Variants in FMN2 observed in about 807,000 individuals in gnomAD.
FMN2 encodes the protein formin 2, also known as formin-2.
A neutral mutation model predicts 142.3 loss-of-function variants in FMN2; 51 were observed. That is an observed-to-expected ratio of 0.36 (90% CI 0.29 to 0.45). The LOEUF is 0.45. Ranked by LOEUF, FMN2 falls within the 20% of genes least tolerant of loss-of-function variation. FMN2 has a pLI of 1.00. For synonymous variants in FMN2, 882 were observed against 869.8 expected, an observed-to-expected ratio of 1.01 and a Z score of -0.25; for missense variants, 1,936 against 2,122.8, an observed-to-expected ratio of 0.91 and a Z score of 1.73.
chr1:240,472,557 T>G (rs190414927), intron 17 of FMN2, 104 bp downstream of exon 17: 1 of 720,848 alleles, frequency 1.4e-6, no homozygotes, highest in African/African-American at 1.8e-5. Context: ...CTACTAAGTG[T>G]GAATAAATAA....
intron 13 of FMN2, among the ~76,000 whole-genome samples, chr1:240,352,591 T>TA (rs994991484): frequency 9.2e-5 from 14 of 151,632 alleles, no homozygotes; most frequent in South Asian, 6.3e-4. Flanking sequence ...AAAAAAAATT[T>TA]AAAAAAAACA....
At chr1:240,257,389 A>G (rs760133285) in intron 6 of FMN2, among the ~76,000 whole-genome samples, 1 of 152,214 alleles carries the variant, frequency 6.6e-6, no homozygotes, top group Non-Finnish European at 1.5e-5. Flanking sequence ...CAAATGCAGA[A>G]TGAGAGGAAC....
intron 15 of FMN2, among the ~76,000 whole-genome samples, chr1:240,405,903 A>G (rs1674136090): frequency 6.6e-6 from 1 of 152,184 alleles, no homozygotes; most frequent in African/African-American, 2.4e-5. Context: ...ACAAAGGATC[A>G]ATTCAATTAC....
chr1:240,161,228 C>T (rs1421958702), intron 2 of FMN2, among the ~76,000 whole-genome samples: 1 of 152,010 alleles, frequency 6.6e-6, no homozygotes, highest in East Asian at 1.9e-4. Flanking sequence ...TGACAAACTA[C>T]CCCTAAACTT....
intron 16 of FMN2, among the ~76,000 whole-genome samples, chr1:240,470,629 C>T (rs1572347786): frequency 6.6e-6 from 1 of 151,788 alleles, no homozygotes; most frequent in South Asian, 2.1e-4. Flanking sequence ...GATTTTTTGC[C>T]ACAGGGATCA....
intron 15 of FMN2, among the ~76,000 whole-genome samples, chr1:240,422,860 G>T (rs189031354): frequency 6.6e-6 from 1 of 152,188 alleles, no homozygotes; most frequent in Non-Finnish European, 1.5e-5. Context: ...AGCTTACATT[G>T]TCCCTCAAGG....
intron 15 of FMN2, among the ~76,000 whole-genome samples, chr1:240,403,309 A>G (rs1435566915): frequency 6.6e-6 from 1 of 152,212 alleles, no homozygotes; most frequent in African/African-American, 2.4e-5. Flanking sequence ...TTTTTCTACA[A>G]GACATACATG....
chr1:240,229,381 A>C (rs867425448), intron 6 of FMN2, among the ~76,000 whole-genome samples: 1 of 151,258 alleles, frequency 6.6e-6, no homozygotes, highest in Non-Finnish European at 1.5e-5. Context: ...TCTTTCTTTC[A>C]CGTGCTGTGA....
chr1:240,310,843 G>A (rs1670580995), intron 8 of FMN2, among the ~76,000 whole-genome samples: 1 of 152,128 alleles, frequency 6.6e-6, no homozygotes, highest in Admixed American at 6.6e-5. Context: ...ATTCAAAAAT[G>A]TGTCTGTTAA....
chr1:240,104,484 T>G (rs1661531184), intron 1 of FMN2, among the ~76,000 whole-genome samples: 1 of 152,168 alleles, frequency 6.6e-6, no homozygotes, highest in Non-Finnish European at 1.5e-5. Flanking sequence ...ACTCGTTTTG[T>G]CCTTATCATA....
chr1:240,108,851 C>T (rs1366364599), intron 1 of FMN2, among the ~76,000 whole-genome samples: 1 of 152,146 alleles, frequency 6.6e-6, no homozygotes, highest in African/African-American at 2.4e-5. Context: ...GCCTGGCCAA[C>T]ATGGTGAAAC....
Position 240,123,346 on chromosome 1 carries a change from G to A in FMN2, c.1782+1G>A. The stretch of plus-strand genomic sequence containing the variant: ...CCAGACGAATGCAGCTTCGTTTGAT[G>A]TAAGTAGGAGAATTCACTTCTGTCC... On this transcript the variant is annotated splice_donor_variant, in intron 2 of 17. Coordinates refer to ENST00000319653, the MANE Select transcript of FMN2 (RefSeq NM_020066.5). LOFTEE classifies it high-confidence loss of function. The A allele has an allele frequency of 6.2e-7, 1 of 1,612,428 alleles. No homozygotes were observed. Among genetic ancestry groups the A allele is most frequent in the Non-Finnish European group, 8.5e-7 (1 of 1,179,030 alleles).
chr1:240,111,683 G>A (rs1429164038), intron 1 of FMN2, among the ~76,000 whole-genome samples: 3 of 151,956 alleles, frequency 2.0e-5, no homozygotes, highest in African/African-American at 7.2e-5. Flanking sequence ...CCTGTATCTT[G>A]TGCTGACCTC....
intron 6 of FMN2, among the ~76,000 whole-genome samples, chr1:240,251,122 G>C (rs1301242767): frequency 6.6e-6 from 1 of 151,490 alleles, no homozygotes; most frequent in Non-Finnish European, 1.5e-5. Context: ...TCTTCCTACT[G>C]ATTTTGTTCT....
intron 1 of FMN2, among the ~76,000 whole-genome samples, chr1:240,102,457 A>G (rs540347163): frequency 4.6e-5 from 7 of 152,316 alleles, no homozygotes; most frequent in East Asian, 1.9e-4. Context: ...TTTTTAACCT[A>G]TATACTTGTA....
In FMN2 at chr1:240,473,892, T is replaced by A. The variant is rs1486464172; in HGVS notation, c.5143-236T>A. 6.6e-6 allele frequency among the ~76,000 whole-genome samples: 1 copy of A among 152,166 alleles called. No homozygotes were observed. Among genetic ancestry groups the A allele is most frequent in the Non-Finnish European group, 1.5e-5 (1 of 68,022 alleles). On this transcript the variant is annotated intron_variant, in intron 17 of 17. Transcript: ENST00000319653. This position sits in a 1 kb window ranked among gnomAD's most constrained non-coding sequence, Gnocchi z 4.3. Reference sequence around the variant, plus strand: ...ACACCCTCTCATATTGGTTAGAAGTTAAATTTTTAAAACTTTTTTTTTTCT... The same window carrying A: ...ACACCCTCTCATATTGGTTAGAAGTAAAATTTTTAAAACTTTTTTTTTTCT...
Position 240,333,907 on chromosome 1 carries a change from G to A in FMN2, c.4605G>A (p.Leu1535=). ...VKSSDNSRSL[L]SYIVSYYLRN... Reference sequence around the variant, plus strand: ...CCTAGGACAATAGCAGAAGCCTTTTGTCATATATTGTTTCGTATTATCTCC... The same window carrying A: ...CCTAGGACAATAGCAGAAGCCTTTTATCATATATTGTTTCGTATTATCTCC... The change falls in exon 12 of 18, where the codon TTG becomes TTA. Residue 1535 remains leucine (L), a synonymous_variant. Coordinates refer to ENST00000319653, the MANE Select transcript of FMN2 (RefSeq NM_020066.5). 6.2e-7 allele frequency: 1 copy of A among 1,609,618 alleles called. No individual in the cohort carries two copies. Among genetic ancestry groups the A allele is most frequent in the Admixed American group, 1.7e-5 (1 of 59,650 alleles).
chr1:240,256,326 G>A (rs1251214715), intron 6 of FMN2, among the ~76,000 whole-genome samples: 1 of 152,090 alleles, frequency 6.6e-6, no homozygotes, highest in Non-Finnish European at 1.5e-5. Context: ...ATCTTTCTAG[G>A]TGGAATTTAG....
intron 6 of FMN2, among the ~76,000 whole-genome samples, chr1:240,215,489 A>G (rs1033049949): frequency 7.2e-5 from 11 of 152,308 alleles, no homozygotes; most frequent in African/African-American, 2.6e-4. Context: ...GCTCTTCCTA[A>G]TTAAGTGATA....
Sources: gnomAD v4.1 joint callset for allele counts (sites outside exome capture counted in the v4.1 genomes callset) on GRCh38, gnomAD v4.1.1 for gene constraint, Gnocchi (gnomAD v3.1) non-coding constraint, MANE v1.5 for transcripts, NCBI Gene and HGNC (gene_info 2026-07-23, HGNC 2026-07-21) for gene names.